DIXDC1: variants seen among roughly 807,000 people sequenced by gnomAD.
DIXDC1 encodes DIX domain containing 1.
DIXDC1 carries 64 observed loss-of-function variants against 103.1 expected under a neutral mutation model. The observed-to-expected ratio is 0.62, with a 90% CI of 0.51 to 0.76. The LOEUF is 0.76. Among genes scored for constraint, DIXDC1 ranks in the 30% least tolerant of loss-of-function variants. The pLI, the probability that DIXDC1 is intolerant of heterozygous loss-of-function variation, is 0.00. For synonymous variants in DIXDC1, 266 were observed against 298.5 expected (o/e 0.89, Z 1.12); for missense variants, 759 against 834.2 (o/e 0.91, Z 1.11).
chr11:112,001,805 G>A (rs782683719), intron 17 of DIXDC1, among the ~76,000 whole-genome samples: 2 of 148,648 alleles, frequency 1.3e-5, no homozygotes, highest in African/African-American at 5.0e-5. Flanking sequence ...TGCCCAGGCT[G>A]GAGTGCAATG....
At chr11:111,950,629 T>A (rs1284602691) in intron 1 of DIXDC1, among the ~76,000 whole-genome samples, 1 of 151,202 alleles carries the variant, frequency 6.6e-6, no homozygotes, top group Non-Finnish European at 1.5e-5. Flanking sequence ...CTAATTTTTG[T>A]ATTTTTAGTA....
chr11:111,933,224 G>T (rs1246069988), upstream of DIXDC1, among the ~76,000 whole-genome samples: 1 of 152,062 alleles, frequency 6.6e-6, no homozygotes, highest in African/African-American at 2.4e-5. Context: ...CACCTCCCAG[G>T]TTCAAGCGAT....
chr11:111,938,570 G>C (rs929717717), intron 1 of DIXDC1, among the ~76,000 whole-genome samples: 1 of 152,152 alleles, frequency 6.6e-6, no homozygotes, highest in Non-Finnish European at 1.5e-5. Context: ...CAAGACTGAA[G>C]TGCCTTTGGC....
intron 15 of DIXDC1, 114 bp from the exon 16 acceptor site, chr11:111,995,289 G>T (rs1241483007): frequency 1.3e-5 from 18 of 1,438,840 alleles, no homozygotes; most frequent in Non-Finnish European, 1.5e-5. Flanking sequence ...CAAACCATAG[G>T]CCTGCTTCTG....
upstream of DIXDC1, among the ~76,000 whole-genome samples, chr11:111,937,015 A>ATGTG (rs782375854): frequency 1.6e-5 from 2 of 127,556 alleles, no homozygotes; most frequent in African/African-American, 3.2e-5. Context: ...GTATGTGTGT[A>ATGTG]TGTGTGTGTG....
intron 2 of DIXDC1, 81 bp downstream of exon 2, chr11:111,964,759 A>G: frequency 6.9e-7 from 1 of 1,452,480 alleles, no homozygotes; most frequent in Non-Finnish European, 9.1e-7. Context: ...CCTTTAGAGC[A>G]GGTTATTTTT....
intron 1 of DIXDC1, among the ~76,000 whole-genome samples, chr11:111,964,180 A>C (rs1015303922): frequency 3.3e-5 from 5 of 152,202 alleles, no homozygotes; most frequent in African/African-American, 7.2e-5. Context: ...GGTTGCTGGC[A>C]GTCGTGAATA....
chr11:111,972,875 A>G (rs1859979774), intron 3 of DIXDC1, among the ~76,000 whole-genome samples: 1 of 151,918 alleles, frequency 6.6e-6, no homozygotes, highest in East Asian at 1.9e-4. Flanking sequence ...CGTGGCCAAC[A>G]TGGTGAAACC....
At chr11:111,973,144 G>A (rs1482155415) in intron 3 of DIXDC1, among the ~76,000 whole-genome samples, 1 of 150,924 alleles carries the variant, frequency 6.6e-6, no homozygotes, top group Non-Finnish European at 1.5e-5. Flanking sequence ...GCTGAGGCAG[G>A]TGGATCACCT....
intron 19 of DIXDC1, among the ~76,000 whole-genome samples, chr11:112,018,620 C>A (rs782259305): frequency 6.6e-6 from 1 of 152,092 alleles, no homozygotes; most frequent in Non-Finnish European, 1.5e-5. Context: ...TTTACATTGC[C>A]TGGTAACTAA....
rs1437323972 is a variant in DIXDC1, at chr11:111,968,528, G to T, written c.206G>T (p.Ser69Ile). 2.5e-6 allele frequency: 4 copies of T among 1,613,062 alleles called. No homozygotes were observed. The African/African-American group carries it at 4.0e-5, about 16-fold the overall frequency. Residue 69 changes from serine to isoleucine, a missense_variant, in exon 3 of 20, where the codon AGT becomes ATT. Physicochemically the swap from Ser to Ile is moderately radical, Grantham distance 142 (BLOSUM62 -2). Transcript: ENST00000440460. Reference sequence around the variant, plus strand: ...CTCCTAACAGCAGGAGAAAAGCTGAGTGGGGTACAGCTGAGTCCCGGTAAC... The same window carrying T: ...CTCCTAACAGCAGGAGAAAAGCTGATTGGGGTACAGCTGAGTCCCGGTAAC... The part of the protein sequence containing the change: ...LIEIVAGEKL[S>I]GVQLSPGNQQ...
At chr11:111,990,917 G>C (rs947135225) in intron 10 of DIXDC1, among the ~76,000 whole-genome samples, 12 of 152,094 alleles carry the variant, frequency 7.9e-5, no homozygotes, top group Admixed American at 6.6e-4. Context: ...ATGTTGGCCA[G>C]GCTGGTCTCG....
chr11:111,968,785 A>G, intron 3 of DIXDC1, 147 bp downstream of exon 3: 6 of 1,095,520 alleles, frequency 5.5e-6, no homozygotes, highest in Non-Finnish European at 7.2e-6. Context: ...CATGATTATT[A>G]TTTTTTGCGA....
chr11:111,988,975 C>T (rs1390596125), intron 9 of DIXDC1, 30 bp from the exon 10 acceptor site: 1 of 1,595,304 alleles, frequency 6.3e-7, no homozygotes, highest in East Asian at 2.2e-5. Context: ...CCAGATGTCA[C>T]CATCTGATCT....
At position 111,959,052 on chromosome 11, in the gene DIXDC1, G is replaced by A. The variant is rs587653649; in HGVS notation, c.61-5497G>A. Among the ~76,000 whole-genome samples the A allele has an allele frequency of 1.5e-3, 221 of 152,236 alleles. 3 individuals carry two copies. The highest frequency in any genetic ancestry group is 2.5e-3 in the Non-Finnish European group (168 of 68,018). On this transcript the variant is annotated intron_variant, in intron 1 of 19. Transcript: ENST00000440460. Reference sequence around the variant, plus strand: ...CACGTCTCCTCTGAGCTGTTCTATCGCTCAATAAAGCTCCTCTTCACCTTA... The same window carrying A: ...CACGTCTCCTCTGAGCTGTTCTATCACTCAATAAAGCTCCTCTTCACCTTA...
At chr11:112,007,881 A>G (rs1555176774) in intron 17 of DIXDC1, among the ~76,000 whole-genome samples, 2 of 148,496 alleles carry the variant, frequency 1.3e-5, no homozygotes, top group Non-Finnish European at 2.9e-5. Context: ...CATCGATGCT[A>G]TGATGAAACT....
chr11:111,995,406 A>G lies in DIXDC1; in HGVS notation c.1531A>G (p.Ser511Gly). 4 of 1,611,762 alleles carry G rather than the reference A, an allele frequency of 2.5e-6. No homozygotes were observed. The highest frequency in any genetic ancestry group is 3.4e-6 in the Non-Finnish European group (4 of 1,179,894). The change falls in exon 16 of 20, where the codon AGC (serine) becomes GGC (glycine). Residue 511 changes from serine (S) to glycine (G), a missense_variant. By Grantham distance (56) the Ser-to-Gly change is moderately conservative. Transcript: ENST00000440460. ...GATSVSNRGT[S>G]DLQLVRDALR... The stretch of plus-strand genomic sequence containing the variant: ...AACACCTTATTTTTGCCCACAGACC[A>G]GCGACCTGCAGCTTGTTCGAGATGC...
intron 7 of DIXDC1, among the ~76,000 whole-genome samples, chr11:111,984,064 A>T (rs1368794021): frequency 6.6e-6 from 1 of 152,124 alleles, no homozygotes; most frequent in Non-Finnish European, 1.5e-5. Flanking sequence ...ATGACTGGTG[A>T]GATAGCAAAA....
chr11:111,980,681 G>C (rs1364927360), intron 5 of DIXDC1, 56 bp from the exon 6 acceptor site: 18 of 1,434,844 alleles, frequency 1.3e-5, no homozygotes, highest in Admixed American at 1.9e-5. Context: ...TATGAAAGCT[G>C]CTTTCTGAAC....
Sources: allele counts gnomAD v4.1 joint callset (sites outside exome capture counted in the v4.1 genomes callset), GRCh38; gene constraint gnomAD v4.1.1; transcripts MANE v1.5; gene names NCBI Gene and HGNC (gene_info 2026-07-23, HGNC 2026-07-21).